The following SLC9A9 variants were observed in gnomAD, a reference collection of about 807,000 sequenced individuals.
SLC9A9 encodes solute carrier family 9 member A9, also known as sodium/hydrogen exchanger 9.
A neutral mutation model predicts 77.8 loss-of-function variants in SLC9A9; 62 were observed. That is an observed-to-expected ratio of 0.80 (90% confidence interval 0.65 to 0.98). SLC9A9 has a LOEUF of 0.98. SLC9A9 is among the 50% of genes least tolerant of loss of function. The pLI, the probability that SLC9A9 is intolerant of heterozygous loss-of-function variation, is 0.00. For synonymous variants in SLC9A9, 320 were observed against 283.5 expected, an observed-to-expected ratio of 1.13 and a Z score of -1.29; for missense variants, 775 against 774.9, an observed-to-expected ratio of 1.00 and a Z score of 0.00.
rs184939427 is a variant in SLC9A9, at chr3:143,456,440, T to C, written c.1469+10597A>G. Among the ~76,000 whole-genome samples the C allele has an allele frequency of 1.6e-3, 238 of 152,330 alleles. 1 individual carries two copies. The highest frequency in any genetic ancestry group is 5.7e-3 in the African/African-American group (236 of 41,580). ...GAGTTGGAAGATATTGTTCTGCTTC[T>C]GTTTCTTGGAAAAGATTATTTAGAA... On this transcript the variant is annotated intron_variant, in intron 12 of 15. Coordinates refer to ENST00000316549, the MANE Select transcript of SLC9A9 (RefSeq NM_173653.4).
chr3:143,449,818 AT>A lies in SLC9A9; in HGVS notation c.1469+17218del, dbSNP rs1178303354. On this transcript the variant is annotated intron_variant, in intron 12 of 15. Coordinates refer to ENST00000316549, the MANE Select transcript of SLC9A9 (RefSeq NM_173653.4). ...ATATATTTTATATATATAATTATAT[AT>A]TTACATATATAATTATATGTATTAT... Among the ~76,000 whole-genome samples the A allele has an allele frequency of 1.2e-4, 5 of 41,014 alleles. 1 individual carries two copies. The highest frequency in any genetic ancestry group is 5.3e-4 in the Admixed American group (1 of 1,894). The allele number at this position is 41,014 out of a possible 152,430, so 26.9% of individuals were successfully genotyped here. A position where few individuals can be genotyped will look rare whatever the true frequency, so the allele number is the denominator to read the frequency against.
intron 12 of SLC9A9, among the ~76,000 whole-genome samples, chr3:143,437,863 T>C (rs2034653192): frequency 6.6e-6 from 1 of 152,224 alleles, no homozygotes; most frequent in African/African-American, 2.4e-5. Context: ...ATGAATGGTA[T>C]AGATAGAGCC....
At chr3:143,686,022 A>G (rs1933251248) in intron 5 of SLC9A9, among the ~76,000 whole-genome samples, 1 of 152,208 alleles carries the variant, frequency 6.6e-6, no homozygotes, top group South Asian at 2.1e-4. Context: ...GCTATGTGCT[A>G]GAAATGCAGC....
At chr3:143,759,872 G>A (rs1441717497) in intron 4 of SLC9A9, among the ~76,000 whole-genome samples, 2 of 151,908 alleles carry the variant, frequency 1.3e-5, no homozygotes, top group Admixed American at 6.6e-5. Context: ...AATACTGTAC[G>A]CACAAGCAGA....
Position 143,276,614 on chromosome 3 carries a change from T to C in SLC9A9, c.1605-7634A>G, listed in dbSNP as rs1411330594. 2.6e-5 allele frequency among the ~76,000 whole-genome samples: 4 copies of C among 152,308 alleles called. No homozygotes were observed. The South Asian group carries it at 6.2e-4, about 24-fold the overall frequency. Reference sequence around the variant, plus strand: ...AACATGATCTAGGTAGATTTTGATATTGTTTTCTGTAGGGGCTTCTTAAGC... The same window carrying C: ...AACATGATCTAGGTAGATTTTGATACTGTTTTCTGTAGGGGCTTCTTAAGC... On this transcript the variant is annotated intron_variant, in intron 14 of 15. Transcript: ENST00000316549.
chr3:143,495,313 T>C (rs763183199), intron 10 of SLC9A9, 22 bp downstream of exon 10: 9 of 1,527,910 alleles, frequency 5.9e-6, no homozygotes, highest in Non-Finnish European at 8.2e-6. Flanking sequence ...AATCACCCCA[T>C]GTTCTGTATT....
intron 5 of SLC9A9, among the ~76,000 whole-genome samples, chr3:143,676,570 C>A (rs1007401073): frequency 1.3e-5 from 2 of 152,002 alleles, no homozygotes; most frequent in African/African-American, 4.8e-5. Context: ...AACCCTGTCC[C>A]TACCAAAAAT....
At chr3:143,521,755 A>G (rs1293398559) in intron 9 of SLC9A9, among the ~76,000 whole-genome samples, 5 of 151,140 alleles carry the variant, frequency 3.3e-5, no homozygotes. Context: ...AATTCCTTCA[A>G]CCTGTTTGCT....
At chr3:143,440,566 G>A (rs2034714077) in intron 12 of SLC9A9, among the ~76,000 whole-genome samples, 2 of 152,152 alleles carry the variant, frequency 1.3e-5, no homozygotes, top group East Asian at 1.9e-4. Context: ...AGCCCGCATG[G>A]CTCACGATGC....
chr3:143,418,688 G>T (rs1275560064), intron 12 of SLC9A9, among the ~76,000 whole-genome samples: 1 of 152,160 alleles, frequency 6.6e-6, no homozygotes, highest in Non-Finnish European at 1.5e-5. Context: ...ATGTCTAAGG[G>T]AAGGGCAAAA....
chr3:143,693,239 A>G lies in SLC9A9; in HGVS notation c.602T>C (p.Phe201Ser). Residue 201 changes from phenylalanine to serine, a missense_variant, in exon 5 of 16, where the codon TTC (phenylalanine) becomes TCC (serine). Transcript: ENST00000316549. ...TGAACCAAAAAATAAACAGTCAGTG[A>G]AATGAAAGTCTCCATTTTTCAGCTG... The part of the protein sequence containing the change: ...AGQLKNGDFH[F>S]TDCLFFGSLM... 6.2e-7 allele frequency: 1 copy of G among 1,613,436 alleles called. No homozygotes were observed. Among genetic ancestry groups the G allele is most frequent in the Non-Finnish European group, 8.5e-7 (1 of 1,179,574 alleles).
intron 5 of SLC9A9, among the ~76,000 whole-genome samples, chr3:143,672,262 T>C (rs2039168171): frequency 6.6e-6 from 1 of 152,022 alleles, no homozygotes; most frequent in Non-Finnish European, 1.5e-5. Context: ...ATAACACCAG[T>C]GATGAGAAAC....
At chr3:143,696,134 A>G (rs1013231017) in intron 4 of SLC9A9, among the ~76,000 whole-genome samples, 1 of 152,158 alleles carries the variant, frequency 6.6e-6, no homozygotes, top group African/African-American at 2.4e-5. Flanking sequence ...TGCTGTTCAG[A>G]AGCTCTTTAA....
chr3:143,584,704 C>G (rs1300046125), intron 6 of SLC9A9, among the ~76,000 whole-genome samples: 1 of 152,216 alleles, frequency 6.6e-6, no homozygotes, highest in Admixed American at 6.5e-5. Flanking sequence ...ATCACTGCTT[C>G]CAGCTGTACT....
At chr3:143,614,825 C>T (rs1403631700) in intron 6 of SLC9A9, among the ~76,000 whole-genome samples, 1 of 152,144 alleles carries the variant, frequency 6.6e-6, no homozygotes, top group Non-Finnish European at 1.5e-5. Flanking sequence ...CAAAAGATAG[C>T]CATGAGCCCA....
intron 2 of SLC9A9, among the ~76,000 whole-genome samples, chr3:143,815,823 G>GCT (rs2008999242): frequency 6.6e-6 from 1 of 152,002 alleles, no homozygotes; most frequent in Non-Finnish European, 1.5e-5. Context: ...CCGGGATCGT[G>GCT]CCACTGCACT....
At chr3:143,655,384 A>G in intron 5 of SLC9A9, 2 of 815,746 alleles carry the variant, frequency 2.5e-6, no homozygotes, top group Non-Finnish European at 3.0e-6. Flanking sequence ...TTGGGACCAC[A>G]AGAGGAAAAC....
intron 12 of SLC9A9, among the ~76,000 whole-genome samples, chr3:143,384,166 G>A (rs550211854): frequency 6.6e-6 from 1 of 151,780 alleles, no homozygotes; most frequent in South Asian, 2.1e-4. Flanking sequence ...AAGGATGTCA[G>A]TGAGGAGAAA....
intron 9 of SLC9A9, among the ~76,000 whole-genome samples, chr3:143,509,117 A>G (rs6440177): frequency 0.81 from 123,516 of 152,070 alleles, 51,230 homozygotes; most frequent in Non-Finnish European, 0.91. Flanking sequence ...AAAGCTTGAA[A>G]CTTAGAGTAG....
Sources: gnomAD v4.1 joint callset for allele counts (sites outside exome capture counted in the v4.1 genomes callset) on GRCh38, gnomAD v4.1.1 for gene constraint, MANE v1.5 for transcripts, NCBI Gene and HGNC (gene_info 2026-07-23, HGNC 2026-07-21) for gene names.